SEMA6D: variants seen among roughly 807,000 people sequenced by gnomAD.
SEMA6D encodes semaphorin 6D, also known as semaphorin-6D.
In SEMA6D, 35 loss-of-function variants were observed where a neutral mutation model predicts 106.6. The ratio of observed to expected loss-of-function variants is 0.33; its 90% CI spans 0.25 to 0.44. The LOEUF (loss-of-function observed/expected upper bound fraction) is 0.44. Among genes scored for constraint, SEMA6D ranks in the 20% least tolerant of loss-of-function variants. The probability of loss-of-function intolerance (pLI) is 1.00; values close to 1 mark genes in which losing one functional copy is unlikely to be tolerated. For synonymous variants in SEMA6D, 499 were observed against 487.7 expected (o/e 1.02, Z -0.31); for missense variants, 1,185 against 1,345.9 (o/e 0.88, Z 1.87).
upstream of SEMA6D, among the ~76,000 whole-genome samples, chr15:47,714,904 GGCACTGGGACT>G (rs1289795966): frequency 2.6e-5 from 4 of 152,184 alleles, no homozygotes; most frequent in Non-Finnish European, 5.9e-5. Context: ...CACTGTGGTG[GGCACTGGGACT>G]GTCTAGGTAA....
intron 1 of SEMA6D, among the ~76,000 whole-genome samples, chr15:47,323,450 T>G (rs1218577716): frequency 6.6e-6 from 1 of 152,054 alleles, no homozygotes. Flanking sequence ...AGTCCAGGGT[T>G]TTTTATGGGC....
At chr15:47,276,130 C>T (rs1291110313) in intron 1 of SEMA6D, among the ~76,000 whole-genome samples, 1 of 152,068 alleles carries the variant, frequency 6.6e-6, no homozygotes, top group African/African-American at 2.4e-5. Flanking sequence ...GAAGCTAGCA[C>T]AGGTTGGCTC....
intron 3 of SEMA6D, among the ~76,000 whole-genome samples, chr15:47,496,707 A>G (rs1039731055): frequency 2.0e-5 from 3 of 151,838 alleles, no homozygotes; most frequent in African/African-American, 7.2e-5. Context: ...ATCTTTTCCC[A>G]TGTTTTTTTC....
chr15:47,517,072 G>A (rs952548213), intron 3 of SEMA6D, among the ~76,000 whole-genome samples: 1 of 152,054 alleles, frequency 6.6e-6, no homozygotes, highest in Non-Finnish European at 1.5e-5. Context: ...TGCACTTCTA[G>A]GAAAAGTAAT....
chr15:47,193,877 A>G (rs1894144949), intron 1 of SEMA6D, among the ~76,000 whole-genome samples: 1 of 152,082 alleles, frequency 6.6e-6, no homozygotes, highest in African/African-American at 2.4e-5. Context: ...TGTCTCTTTA[A>G]TAGACCTTAT....
At chr15:47,413,331 A>G (rs1182490899) in intron 2 of SEMA6D, among the ~76,000 whole-genome samples, 1 of 152,158 alleles carries the variant, frequency 6.6e-6, no homozygotes, top group African/African-American at 2.4e-5. Flanking sequence ...GCCTCGGTGG[A>G]TTCTTTGAAC....
intron 4 of SEMA6D, among the ~76,000 whole-genome samples, chr15:47,659,333 T>C (rs1485583105): frequency 1.3e-5 from 2 of 151,872 alleles, no homozygotes; most frequent in South Asian, 2.1e-4. Context: ...AATATTATAT[T>C]AAAATCAATG....
intron 1 of SEMA6D, among the ~76,000 whole-genome samples, chr15:47,364,893 G>A (rs1017386684): frequency 6.6e-6 from 1 of 152,182 alleles, no homozygotes; most frequent in South Asian, 2.1e-4. Flanking sequence ...CACAGTAGGA[G>A]TATTGCACTC....
chr15:47,651,915 T>A (rs1441853242), intron 4 of SEMA6D, among the ~76,000 whole-genome samples: 1 of 152,222 alleles, frequency 6.6e-6, no homozygotes, highest in African/African-American at 2.4e-5. Flanking sequence ...CAACCACATC[T>A]TTCCCCTGCC....
At position 47,288,692 on chromosome 15, in the gene SEMA6D, T is replaced by G. The variant is rs557719087; in HGVS notation, c.-239+104274T>G. 3.3e-5 allele frequency among the ~76,000 whole-genome samples: 5 copies of G among 152,262 alleles called. No homozygotes were observed. The South Asian group carries it at 1.0e-3, about 32-fold the overall frequency. ...AGAGGAGTAGTGGGCAAAAGACTTG[T>G]AATATGATTTTGTGCACTTTTGCAA... On this transcript the variant is annotated intron_variant, in intron 1 of 19. Coordinates refer to the SEMA6D transcript ENST00000558014.
chr15:47,492,568 A>G (rs2043506670), intron 3 of SEMA6D, among the ~76,000 whole-genome samples: 1 of 152,186 alleles, frequency 6.6e-6, no homozygotes, highest in Non-Finnish European at 1.5e-5. Flanking sequence ...GTGTTTTGAA[A>G]AACTGCTTGA....
intron 1 of SEMA6D, chr15:47,272,719 CA>C (rs902827737): frequency 1.3e-5 from 2 of 152,620 alleles, no homozygotes; most frequent in African/African-American, 4.8e-5. Flanking sequence ...GCATCCCTCC[CA>C]AAGCTGTGCA....
rs375917560 is a variant in SEMA6D, at chr15:47,285,577, G to C, written c.-239+101159G>C. 6.6e-5 allele frequency among the ~76,000 whole-genome samples: 10 copies of C among 152,226 alleles called. 1 individual carries two copies. The highest frequency in any genetic ancestry group is 2.4e-4 in the African/African-American group (10 of 41,546). ...CTGAAACCCCTGTTGTTTATCATCT[G>C]CATCCAGTCTGCTATTGCATTTTTT... On this transcript the variant is annotated intron_variant, in intron 1 of 19. Coordinates refer to the SEMA6D transcript ENST00000558014.
intron 1 of SEMA6D, among the ~76,000 whole-genome samples, chr15:47,755,403 A>G (rs1013865382): frequency 6.6e-6 from 1 of 151,924 alleles, no homozygotes; most frequent in Admixed American, 6.6e-5. Context: ...GCCTATTTCT[A>G]TTGTGGTTTT....
intron 1 of SEMA6D, among the ~76,000 whole-genome samples, chr15:47,270,181 T>C (rs909829604): frequency 6.7e-6 from 1 of 148,428 alleles, no homozygotes; most frequent in African/African-American, 2.4e-5. Context: ...ATTATAGTTA[T>C]ATTTTATTAT....
intron 2 of SEMA6D, among the ~76,000 whole-genome samples, chr15:47,414,624 A>G (rs1185177970): frequency 6.6e-6 from 1 of 152,212 alleles, no homozygotes; most frequent in Non-Finnish European, 1.5e-5. Flanking sequence ...GAAATCCAGT[A>G]GACCATGCTA....
rs1263198309 is a variant in SEMA6D at position 47,773,645 on chromosome 15, C to A, written c.*1860C>A. On this transcript the variant is annotated 3_prime_UTR_variant, in exon 19 of 19. Coordinates refer to ENST00000536845, the MANE Select transcript of SEMA6D (RefSeq NM_001358351.3). The stretch of plus-strand genomic sequence containing the variant: ...AATGTGAAATACTGATACAGTTATT[C>A]TTTTTTTTAAAGAACATTGTTTTAT... 2 of 152,328 alleles carry A rather than the reference C, an allele frequency of 1.3e-5. No individual in the cohort carries two copies. Among genetic ancestry groups the A allele is most frequent in the African/African-American group, 4.8e-5 (2 of 41,366 alleles). 9.4% of individuals were successfully genotyped at this position (152,328 alleles called of 1,614,324 possible). A position where few individuals can be genotyped will look rare whatever the true frequency, so the allele number is the denominator to read the frequency against.
intron 2 of SEMA6D, among the ~76,000 whole-genome samples, chr15:47,466,968 A>T (rs974041250): frequency 2.0e-5 from 3 of 150,428 alleles, no homozygotes; most frequent in Non-Finnish European, 3.0e-5. Flanking sequence ...ACCTCAAATG[A>T]TCTACCGACC....
intron 2 of SEMA6D, among the ~76,000 whole-genome samples, chr15:47,434,567 C>A (rs962899930): frequency 6.6e-6 from 1 of 151,502 alleles, no homozygotes; most frequent in Non-Finnish European, 1.5e-5. Context: ...ACTTTTTTTT[C>A]CTTCTCTGTC....
Sources: gnomAD v4.1 joint callset for allele counts (sites outside exome capture counted in the v4.1 genomes callset) on GRCh38, gnomAD v4.1.1 for gene constraint, MANE v1.5 for transcripts, NCBI Gene and HGNC (gene_info 2026-07-23, HGNC 2026-07-21) for gene names.